The following CYFIP1 variants were observed in gnomAD, a reference collection of about 807,000 sequenced individuals.
CYFIP1 encodes cytoplasmic FMR1-interacting protein 1.
In CYFIP1, 58 loss-of-function variants were observed where a neutral mutation model predicts 163.5. That is an observed-to-expected ratio of 0.35 (90% CI 0.29 to 0.44). The LOEUF (loss-of-function observed/expected upper bound fraction) is 0.44. Among genes scored for constraint, CYFIP1 ranks in the 20% least tolerant of loss-of-function variants. CYFIP1 has a pLI of 1.00. For synonymous variants in CYFIP1, 663 were observed against 660.7 expected, an observed-to-expected ratio of 1.00 and a Z score of -0.05; for missense variants, 1,338 against 1,653.8, an observed-to-expected ratio of 0.81 and a Z score of 3.31.
intron 22 of CYFIP1, 30 bp downstream of exon 22, chr15:22,903,676 T>C: frequency 6.2e-7 from 1 of 1,612,234 alleles, no homozygotes. Context: ...GCGCCTCGCC[T>C]GTGGGCGCCT....
At chr15:22,904,883 C>T (rs1157884418) in intron 21 of CYFIP1, 1 of 152,188 alleles carries the variant, frequency 6.6e-6, no homozygotes, top group Non-Finnish European at 1.5e-5. Flanking sequence ...GGGACACGCA[C>T]TGTGCCCGCC....
At chr15:22,962,753 A>G (rs1186389359) in intron 1 of CYFIP1, among the ~76,000 whole-genome samples, 1 of 152,106 alleles carries the variant, frequency 6.6e-6, no homozygotes, top group Non-Finnish European at 1.5e-5. Context: ...GTTGTTATAA[A>G]AGGGATATCA....
rs926145402 is a variant in CYFIP1 at position 22,868,815 on chromosome 15, C to G, written c.*1213G>C. On this transcript the variant is annotated 3_prime_UTR_variant, in exon 31 of 31. Coordinates refer to ENST00000617928, the MANE Select transcript of CYFIP1 (RefSeq NM_014608.6). ...TAAAATTGGTGAAGGTTGCAATACTCCAAATAATGTAAAATGACTGCCAGG... is the reference window on the plus strand; with the variant it reads ...TAAAATTGGTGAAGGTTGCAATACTGCAAATAATGTAAAATGACTGCCAGG... The G allele has an allele frequency of 3.3e-5, 5 of 152,106 alleles. No individual in the cohort carries two copies. Among genetic ancestry groups the G allele is most frequent in the Non-Finnish European group, 7.4e-5 (5 of 68,018 alleles). The allele number at this position is 152,106 out of a possible 1,614,324, so 9.4% of individuals were successfully genotyped here.
At position 22,878,236 on chromosome 15, in the gene CYFIP1, ATGC is replaced by A. The variant is rs1241657657; in HGVS notation, c.3042+1674_3042+1676del. On this transcript the variant is annotated intron_variant, in intron 26 of 30. Transcript: ENST00000617928. ...GAGCAGAGAGCCCTGGGGAGGGAAC[ATGC>A]TGAAGAAGAAGGAGCAAGGCAGGGA... 2.6e-5 allele frequency among the ~76,000 whole-genome samples: 4 copies of A among 152,346 alleles called. No homozygotes were observed. The East Asian group carries it at 5.8e-4, about 22-fold the overall frequency.
intron 1 of CYFIP1, among the ~76,000 whole-genome samples, chr15:22,977,392 A>G (rs1044875923): frequency 6.6e-6 from 1 of 152,138 alleles, no homozygotes; most frequent in African/African-American, 2.4e-5. Flanking sequence ...TTTGTCTGAT[A>G]CTATTGCACT....
intron 1 of CYFIP1, among the ~76,000 whole-genome samples, chr15:22,957,336 A>G (rs577538075): frequency 2.8e-4 from 43 of 151,318 alleles, no homozygotes; most frequent in African/African-American, 9.7e-4. Flanking sequence ...CCTCATCTCT[A>G]CTAAAAATAC....
chr15:22,938,581 G>A (rs916751655), intron 8 of CYFIP1, among the ~76,000 whole-genome samples: 9 of 151,810 alleles, frequency 5.9e-5, no homozygotes, highest in Non-Finnish European at 1.0e-4. Flanking sequence ...CTGGAGCCTG[G>A]GTGAAAGAGC....
chr15:22,903,868 T>A lies in CYFIP1; in HGVS notation c.2426A>T (p.His809Leu), dbSNP rs746995629. The A allele has an allele frequency of 1.2e-6, 2 of 1,614,120 alleles. No homozygotes were observed. The highest frequency in any genetic ancestry group is 1.7e-6 in the Non-Finnish European group (2 of 1,180,004). The change falls in exon 22 of 31, where the codon CAC becomes CTC. Residue 809 changes from histidine to leucine, a missense_variant. Physicochemically the swap from His to Leu is moderately conservative, Grantham distance 99 (BLOSUM62 -3). Around this residue, in one of 4 missense-constraint regions of CYFIP1, gnomAD observed 824 missense variants for 995.7 expected, o/e 0.83. Coordinates refer to ENST00000617928, the MANE Select transcript of CYFIP1 (RefSeq NM_014608.6). ...DGLLEINRMT[H>L]KLLSRYLTLD... ...CGTCAGGTACCGGCTCAGCAGCTTG[T>A]GGGTCATGCGGTTGATTTCCAACAG...
chr15:22,956,604 T>C (rs1196509145), intron 1 of CYFIP1, among the ~76,000 whole-genome samples: 1 of 151,850 alleles, frequency 6.6e-6, no homozygotes, highest in East Asian at 1.9e-4. Context: ...GTCAAACAAG[T>C]CAGGGGCTCT....
chr15:22,980,196 C>T (rs2063437644), intron 1 of CYFIP1, 91 bp downstream of exon 1: 1 of 150,752 alleles, frequency 6.6e-6, no homozygotes, highest in Non-Finnish European at 1.5e-5. Flanking sequence ...TCCGTCCCGG[C>T]CCCGCCGCCG....
At chr15:22,937,976 C>T (rs933672806) in intron 8 of CYFIP1, among the ~76,000 whole-genome samples, 1 of 152,182 alleles carries the variant, frequency 6.6e-6, no homozygotes, top group Non-Finnish European at 1.5e-5. Flanking sequence ...ATGGCCAGGG[C>T]TCCCACACCA....
chr15:22,959,378 G>GT, intron 1 of CYFIP1, among the ~76,000 whole-genome samples: 1 of 152,356 alleles, frequency 6.6e-6, no homozygotes, highest in South Asian at 2.1e-4. Context: ...CGGGAGGACA[G>GT]TCACACCACA....
intron 12 of CYFIP1, among the ~76,000 whole-genome samples, chr15:22,926,616 A>T (rs1275306681): frequency 6.6e-6 from 1 of 152,236 alleles, no homozygotes; most frequent in South Asian, 2.1e-4. Flanking sequence ...CAAAAGGGAA[A>T]ATCTTTCATT....
chr15:22,910,501 C>G lies in CYFIP1; in HGVS notation c.2268+19G>C, dbSNP rs116237959. ...CAATGCACACTCTACGTCCCCACCA[C>G]AGCCCGGCCCCAGCTCACCTGCACA... is the stretch of plus-strand genomic sequence containing the variant. On this transcript the variant is annotated intron_variant, in intron 20 of 30. Coordinates refer to ENST00000617928, the MANE Select transcript of CYFIP1 (RefSeq NM_014608.6). 8.8e-4 allele frequency: 1,403 copies of G among 1,602,422 alleles called. 16 individuals carry two copies. The African/African-American group carries it at 0.016, about 18-fold the overall frequency.
intron 8 of CYFIP1, 26 bp from the exon 9 acceptor site, chr15:22,937,234 C>T (rs373098623): frequency 7.2e-6 from 10 of 1,385,576 alleles, no homozygotes; most frequent in East Asian, 4.6e-5. Context: ...ATGAATGATG[C>T]GACAAAGCTC....
At chr15:22,929,658 A>G (rs1425334050) in intron 11 of CYFIP1, among the ~76,000 whole-genome samples, 1 of 130,152 alleles carries the variant, frequency 7.7e-6, no homozygotes, top group Non-Finnish European at 1.6e-5. Flanking sequence ...AAAAAAGGCC[A>G]GGCACGGTGG....
At chr15:22,881,077 C>CA (rs1332945290) in intron 25 of CYFIP1, among the ~76,000 whole-genome samples, 1 of 152,142 alleles carries the variant, frequency 6.6e-6, no homozygotes, top group Non-Finnish European at 1.5e-5. Context: ...CTGAGGGGGA[C>CA]ACCTTATCGT....
chr15:22,883,016 A>G lies in CYFIP1; in HGVS notation c.2677-5T>C. 6.2e-7 allele frequency: 1 copy of G among 1,613,166 alleles called. No individual in the cohort carries two copies. The highest frequency in any genetic ancestry group is 8.5e-7 in the Non-Finnish European group (1 of 1,179,358). ...GGAGTAGGCCAAGTTCAAAGCCTGGAAAACAGGGCACAGAGCTCTCAGCAT... is the reference window on the plus strand; with the variant it reads ...GGAGTAGGCCAAGTTCAAAGCCTGGGAAACAGGGCACAGAGCTCTCAGCAT... On this transcript the variant is annotated splice_polypyrimidine_tract_variant and splice_region_variant and intron_variant, in intron 23 of 30. Coordinates refer to ENST00000617928, the MANE Select transcript of CYFIP1 (RefSeq NM_014608.6).
Position 22,932,211 on chromosome 15 carries a change from C to T in CYFIP1, c.1110+12G>A, listed in dbSNP as rs369194728. 2.7e-5 allele frequency: 44 copies of T among 1,600,016 alleles called. No individual in the cohort carries two copies. The highest frequency in any genetic ancestry group is 3.4e-5 in the Non-Finnish European group (40 of 1,171,362). On this transcript the variant is annotated intron_variant, in intron 11 of 30. Coordinates refer to ENST00000617928, the MANE Select transcript of CYFIP1 (RefSeq NM_014608.6). Reference sequence around the variant, plus strand: ...CTCGGGTGCCTGTGCAGCTCCAGGTCGCGGGGCGCACCTCGCTGTTGCTGT... The same window carrying T: ...CTCGGGTGCCTGTGCAGCTCCAGGTTGCGGGGCGCACCTCGCTGTTGCTGT...
Sources: gnomAD v4.1 joint callset for allele counts (sites outside exome capture counted in the v4.1 genomes callset) on GRCh38, gnomAD v4.1.1 for gene constraint, gnomAD v4.1.1 regional missense constraint, MANE v1.5 for transcripts, NCBI Gene and HGNC (gene_info 2026-07-23, HGNC 2026-07-21) for gene names.